Variants in MORN5 observed in about 807,000 individuals in gnomAD.
MORN5 encodes the protein MORN repeat-containing protein 5.
In MORN5, 21 loss-of-function variants were observed where a neutral mutation model predicts 22.1. The observed-to-expected ratio is 0.95, with a 90% CI of 0.67 to 1.37. The LOEUF (loss-of-function observed/expected upper bound fraction) is 1.37. Among genes scored for constraint, MORN5 ranks in the 40% most tolerant of loss-of-function variants. The pLI is 0.00. For synonymous variants in MORN5, 73 were observed against 74.0 expected (o/e 0.99, Z 0.07); for missense variants, 211 against 215.1 (o/e 0.98, Z 0.12).
In MORN5 at chr9:122,164,654, A is replaced by C. The variant is rs1013675238; in HGVS notation, c.48-2114A>C. 3.0e-6 allele frequency: 3 copies of C among 985,230 alleles called. No homozygotes were observed. The African/African-American group carries it at 5.2e-5, about 17-fold the overall frequency. The allele number at this position is 985,230 out of a possible 1,614,324, so 61.0% of individuals were successfully genotyped here. On this transcript the variant is annotated intron_variant, in intron 1 of 4. Transcript: ENST00000373764. ...CAGTGATGTCCAGTTCAAGGTAAGA[A>C]AAGGGGTGGGGTCTAACCTCAGAGA... is the stretch of plus-strand genomic sequence containing the variant.
intron 1 of MORN5, among the ~76,000 whole-genome samples, chr9:122,165,053 A>G (rs1407574422): frequency 6.6e-6 from 1 of 152,214 alleles, no homozygotes; most frequent in Non-Finnish European, 1.5e-5. Context: ...CTAATTACAA[A>G]ACAAGATAGA....
rs1379217714 is a variant in MORN5 at position 122,169,752 on chromosome 9, T to C, written c.303T>C (p.Pro101=). 6.2e-7 allele frequency: 1 copy of C among 1,608,052 alleles called. No individual in the cohort carries two copies. The highest frequency in any genetic ancestry group is 1.7e-5 in the Admixed American group (1 of 60,018). The change falls in exon 3 of 5, where the codon CCT becomes CCC. Residue 101 remains proline, a synonymous_variant. Coordinates refer to ENST00000373764, the MANE Select transcript of MORN5 (RefSeq NM_198469.4). ...FYTEILNGLK[P]AGMAQLTNMD... Reference sequence around the variant, plus strand: ...CAGAGATCCTCAATGGCTTGAAGCCTGCAGGTACCCAGGCACCCACCCTTT... The same window carrying C: ...CAGAGATCCTCAATGGCTTGAAGCCCGCAGGTACCCAGGCACCCACCCTTT...
At chr9:122,193,722 C>T (rs1829825269) in intron 4 of MORN5, among the ~76,000 whole-genome samples, 1 of 152,256 alleles carries the variant, frequency 6.6e-6, no homozygotes, top group Non-Finnish European at 1.5e-5. Context: ...CTGTTGTGTT[C>T]TGAGAGGCCC....
chr9:122,199,909 C>T lies in MORN5; in HGVS notation c.464C>T (p.Thr155Ile), dbSNP rs1006195242. 4 of 1,613,886 alleles carry T rather than the reference C, an allele frequency of 2.5e-6. No homozygotes were observed. Among genetic ancestry groups the T allele is most frequent in the Non-Finnish European group, 2.5e-6 (3 of 1,179,904 alleles). Residue 155 changes from threonine (T) to isoleucine (I), a missense_variant, in exon 5 of 5, where the codon ACC (threonine) becomes ATC (isoleucine). Coordinates refer to ENST00000373764, the MANE Select transcript of MORN5 (RefSeq NM_198469.4). ...GATGATGACGAGCATGAGTGGATCA[C>T]CCGTACCTGTCGAAAGGGCTAGGAT... ...NADDDEHEWI[T>I]RTCRKG is the part of the protein sequence containing the mutation.
intron 4 of MORN5, among the ~76,000 whole-genome samples, chr9:122,192,789 G>T (rs1280831661): frequency 6.6e-6 from 1 of 152,216 alleles, no homozygotes; most frequent in Non-Finnish European, 1.5e-5. Flanking sequence ...GCAGCTGGCG[G>T]TCTTGGACTT....
intron 1 of MORN5, among the ~76,000 whole-genome samples, chr9:122,162,393 A>G (rs1829214197): frequency 6.6e-6 from 1 of 152,232 alleles, no homozygotes; most frequent in Non-Finnish European, 1.5e-5. Flanking sequence ...TCCATGGCTG[A>G]TAGGAACATC....
chr9:122,165,725 G>GC (rs1252138617), intron 1 of MORN5, among the ~76,000 whole-genome samples: 2 of 152,134 alleles, frequency 1.3e-5, no homozygotes, highest in Non-Finnish European at 2.9e-5. Context: ...TAGACTGTGA[G>GC]CCCCCCGAGG....
At chr9:122,174,422 A>G (rs1829413895) in intron 3 of MORN5, 74 bp from the exon 4 acceptor site, 2 of 1,558,558 alleles carry the variant, frequency 1.3e-6, no homozygotes. Flanking sequence ...ACCAGCCACA[A>G]GTGGACCTTA....
At chr9:122,185,441 T>C (rs1829611272) in intron 4 of MORN5, among the ~76,000 whole-genome samples, 1 of 144,094 alleles carries the variant, frequency 6.9e-6, no homozygotes, top group Non-Finnish European at 1.5e-5. Flanking sequence ...GTAGCCAGGA[T>C]GGTCTCGATC....
intron 1 of MORN5, among the ~76,000 whole-genome samples, chr9:122,161,144 G>A (rs1476863668): frequency 1.3e-5 from 2 of 152,322 alleles, no homozygotes; most frequent in African/African-American, 4.8e-5. Context: ...ACGATATGAA[G>A]TGGTTTGCTG....
chr9:122,189,162 T>C (rs1014260927), intron 4 of MORN5, among the ~76,000 whole-genome samples: 4 of 150,932 alleles, frequency 2.7e-5, no homozygotes, highest in Admixed American at 2.6e-4. Flanking sequence ...GCCACTGCAC[T>C]CCAGCCTGGG....
chr9:122,166,650 C>G, intron 1 of MORN5, 118 bp from the exon 2 acceptor site: 1 of 991,718 alleles, frequency 1.0e-6, no homozygotes, highest in South Asian at 1.7e-5. Flanking sequence ...CAGCAGAGTA[C>G]TGCTGGGATG....
intron 1 of MORN5, among the ~76,000 whole-genome samples, chr9:122,164,921 T>C (rs557920629): frequency 6.6e-6 from 1 of 152,376 alleles, no homozygotes; most frequent in South Asian, 2.1e-4. Flanking sequence ...GACTACTCTT[T>C]CTGTTTCCTT....
chr9:122,193,542 G>A (rs7859636), intron 4 of MORN5, among the ~76,000 whole-genome samples: 42,073 of 152,116 alleles, frequency 0.28, 6,509 homozygotes, highest in East Asian at 0.58. Flanking sequence ...CCAAGATTGC[G>A]CCACTGCACT....
intron 4 of MORN5, among the ~76,000 whole-genome samples, chr9:122,175,885 A>T (rs1970018): frequency 1.3e-5 from 2 of 151,380 alleles, no homozygotes; most frequent in Admixed American, 6.6e-5. Context: ...GAGGCCGAGG[A>T]GGGCGGATCA....
chr9:122,190,261 T>G (rs377038850), intron 4 of MORN5, among the ~76,000 whole-genome samples: 3 of 152,334 alleles, frequency 2.0e-5, no homozygotes, highest in African/African-American at 7.2e-5. Flanking sequence ...CCCACCTCAA[T>G]TATTTCCACA....
chr9:122,185,368 G>A (rs543429242), intron 4 of MORN5, among the ~76,000 whole-genome samples: 18 of 147,804 alleles, frequency 1.2e-4, no homozygotes, highest in South Asian at 2.2e-4. Flanking sequence ...GACTACAGGC[G>A]CCCACCACCA....
At chr9:122,178,037 G>A (rs186586139) in intron 4 of MORN5, among the ~76,000 whole-genome samples, 5 of 152,238 alleles carry the variant, frequency 3.3e-5, no homozygotes, top group Non-Finnish European at 7.3e-5. Flanking sequence ...GGATAAAAGA[G>A]GAAACAAAAG....
intron 4 of MORN5, among the ~76,000 whole-genome samples, chr9:122,191,493 G>T (rs896844368): frequency 2.0e-5 from 3 of 152,214 alleles, no homozygotes; most frequent in Non-Finnish European, 4.4e-5. Context: ...GAGAGGACGA[G>T]TGTAGCCCCC....
Sources: gnomAD v4.1 joint callset for allele counts (sites outside exome capture counted in the v4.1 genomes callset) on GRCh38, gnomAD v4.1.1 for gene constraint, MANE v1.5 for transcripts, NCBI Gene and HGNC (gene_info 2026-07-23, HGNC 2026-07-21) for gene names.